Variants in PFKFB3 observed in about 807,000 individuals in gnomAD.
PFKFB3 encodes 6-phosphofructo-2-kinase/fructose-2,6-biphosphatase 3.
A neutral mutation model predicts 68.0 loss-of-function variants in PFKFB3; 33 were observed. The observed-to-expected ratio is 0.49, with a 90% CI of 0.37 to 0.65. PFKFB3 has a LOEUF of 0.65. Ranked by LOEUF, PFKFB3 falls within the 30% of genes least tolerant of loss-of-function variation. The probability of loss-of-function intolerance (pLI) is 0.00; values close to 1 mark genes in which losing one functional copy is unlikely to be tolerated. For synonymous variants in PFKFB3, 315 were observed against 288.2 expected, an observed-to-expected ratio of 1.09 and a Z score of -0.94; for missense variants, 586 against 712.2, an observed-to-expected ratio of 0.82 and a Z score of 2.02.
At chr10:6,197,620 C>T (rs1193225825) in intron 1 of PFKFB3, 1 of 151,750 alleles carries the variant, frequency 6.6e-6, no homozygotes, top group Admixed American at 6.5e-5. Context: ...CCATCCTCCA[C>T]ATCTTTTATT....
At chr10:6,224,336 C>A in intron 13 of PFKFB3, 123 bp downstream of exon 13, 1 of 842,902 alleles carries the variant, frequency 1.2e-6, no homozygotes, top group African/African-American at 1.7e-5. Context: ...GGCCATGGGC[C>A]TGCTGGCTGC....
chr10:6,311,178 G>A, the PFKFB3 span, among the ~76,000 whole-genome samples: 5 of 152,164 alleles, frequency 3.3e-5, no homozygotes, highest in Admixed American at 3.3e-4. Context: ...TTTTCATCCT[G>A]CCCTTGACAG....
chr10:6,228,343 A>G lies in PFKFB3; in HGVS notation c.1515+1978A>G. On this transcript the variant is annotated intron_variant, in intron 14 of 14. Coordinates refer to ENST00000379775, the MANE Select transcript of PFKFB3 (RefSeq NM_004566.4). This position sits in a 1 kb window ranked among gnomAD's most constrained non-coding sequence, Gnocchi z 4.5. ...TGTGATGTGAGGTCTTCCGTGGGGG[A>G]AGGAGGAGATGGGCGTAGGAGTAGG... 4.7e-6 allele frequency: 5 copies of G among 1,057,342 alleles called. No homozygotes were observed. Among genetic ancestry groups the G allele is most frequent in the Non-Finnish European group, 7.3e-6 (5 of 683,764 alleles). 65.5% of individuals were successfully genotyped at this position (1,057,342 alleles called of 1,614,324 possible). A position where few individuals can be genotyped will look rare whatever the true frequency, so the allele number is the denominator to read the frequency against.
the PFKFB3 span, among the ~76,000 whole-genome samples, chr10:6,286,698 G>A: frequency 6.6e-6 from 1 of 152,170 alleles, no homozygotes; most frequent in Non-Finnish European, 1.5e-5. Context: ...TTTAACTGGT[G>A]TATTTAGACC....
At chr10:6,251,389 T>C (rs1846376853) in intron 14 of PFKFB3, among the ~76,000 whole-genome samples, 2 of 152,364 alleles carry the variant, frequency 1.3e-5, no homozygotes, top group East Asian at 1.9e-4. Context: ...GAATTAATAG[T>C]TCCCCAATAG....
the PFKFB3 span, among the ~76,000 whole-genome samples, chr10:6,296,604 G>C: frequency 6.6e-6 from 1 of 152,200 alleles, no homozygotes; most frequent in African/African-American, 2.4e-5. Context: ...CTAGGAAAGA[G>C]GTGGGCAATT....
chr10:6,326,575 G>A, the PFKFB3 span: 186 of 455,548 alleles, frequency 4.1e-4, no homozygotes, highest in Non-Finnish European at 6.5e-4. Flanking sequence ...GAGCTCCACC[G>A]TGACTCTCCT....
chr10:6,166,502 T>C (rs652318), intron 1 of PFKFB3, among the ~76,000 whole-genome samples: 31,665 of 152,004 alleles, frequency 0.21, 3,695 homozygotes, highest in East Asian at 0.26. Context: ...AGTAATAAAG[T>C]GTTTGTGTAT....
At position 6,244,112 on chromosome 10, in the gene PFKFB3, C is replaced by G. The variant is rs144133402; in HGVS notation, c.1516-10066C>G. Among the ~76,000 whole-genome samples the G allele has an allele frequency of 2.5e-3, 380 of 152,278 alleles. 2 individuals are homozygous for G. Among genetic ancestry groups the G allele is most frequent in the African/African-American group, 8.7e-3 (362 of 41,560 alleles). ...TGGGCTCAAGCAATCCTTCCACAGC[C>G]TCTCCAGTGTTGGGATTACAGGTGT... On this transcript the variant is annotated intron_variant, in intron 14 of 14. Coordinates refer to the PFKFB3 transcript ENST00000640683.
chr10:6,215,974 G>A lies in PFKFB3; in HGVS notation c.300-151G>A. Reference sequence around the variant, plus strand: ...GGGGCCCCAGGTTGGAAGCCTCTGGGCCTGAGGGGTGCTGGCCAGCCTGCC... The same window carrying A: ...GGGGCCCCAGGTTGGAAGCCTCTGGACCTGAGGGGTGCTGGCCAGCCTGCC... On this transcript the variant is annotated intron_variant, in intron 3 of 14. Coordinates refer to ENST00000379775, the MANE Select transcript of PFKFB3 (RefSeq NM_004566.4). This position sits in a 1 kb window ranked among gnomAD's most constrained non-coding sequence, Gnocchi z 4.3. 1 of 773,096 alleles carries A rather than the reference G, an allele frequency of 1.3e-6. No homozygotes were observed. The highest frequency in any genetic ancestry group is 1.5e-5 in the South Asian group (1 of 65,008). 47.9% of individuals were successfully genotyped at this position (773,096 alleles called of 1,614,324 possible). A position where few individuals can be genotyped will look rare whatever the true frequency, so the allele number is the denominator to read the frequency against.
intron 14 of PFKFB3, among the ~76,000 whole-genome samples, chr10:6,252,741 TGTATC>T (rs1442718917): frequency 6.6e-5 from 10 of 152,200 alleles, no homozygotes; most frequent in African/African-American, 2.2e-4. Context: ...TACATATTGT[TGTATC>T]GTATAATTCC....
chr10:6,187,016 A>T (rs634507), intron 1 of PFKFB3, among the ~76,000 whole-genome samples: 1 of 151,372 alleles, frequency 6.6e-6, no homozygotes, highest in Non-Finnish European at 1.5e-5. Context: ...TGAAGCTGGC[A>T]GGGGAGACCA....
the PFKFB3 span, among the ~76,000 whole-genome samples, chr10:6,296,690 G>A: frequency 1.5e-3 from 226 of 152,294 alleles, 2 homozygotes; most frequent in Non-Finnish European, 7.1e-4. Flanking sequence ...GTAAACTGTC[G>A]TGGTGCTGGT....
At chr10:6,209,002 G>A (rs1843981629) in intron 1 of PFKFB3, among the ~76,000 whole-genome samples, 1 of 152,204 alleles carries the variant, frequency 6.6e-6, no homozygotes, top group Admixed American at 6.5e-5. Context: ...TTAGCCCAAA[G>A]GCACTACTCA....
At chr10:6,147,811 T>TCCTGATGGGGTGGTCCATACAGGGGAG (rs1209633667) in intron 1 of PFKFB3, among the ~76,000 whole-genome samples, 1 of 147,880 alleles carries the variant, frequency 6.8e-6, no homozygotes, top group Non-Finnish European at 1.5e-5. Context: ...ATACAGGGGA[T>TCCTGATGGGGTGGTCCATACAGGGGAG]CCTGATGGGG....
rs144540346 is a variant in PFKFB3 at position 6,203,414 on chromosome 10, G to C, written c.76+78G>C. On this transcript the variant is annotated intron_variant, in intron 1 of 14. Coordinates refer to ENST00000379775, the MANE Select transcript of PFKFB3 (RefSeq NM_004566.4). Reference sequence around the variant, plus strand: ...CCATTGTGTGGGGCGGCTTTGTGCCGACGCCCCTCTGCGGGGGGCGCGCCC... The same window carrying C: ...CCATTGTGTGGGGCGGCTTTGTGCCCACGCCCCTCTGCGGGGGGCGCGCCC... 2,457 of 1,114,520 alleles carry C rather than the reference G, an allele frequency of 2.2e-3. 36 individuals are homozygous for C. The African/African-American group carries it at 0.037, about 17-fold the overall frequency. 69.0% of individuals were successfully genotyped at this position (1,114,520 alleles called of 1,614,324 possible).
chr10:6,187,976 T>TATCTATCTATCTATCC (rs897688839), intron 1 of PFKFB3, among the ~76,000 whole-genome samples: 20 of 123,626 alleles, frequency 1.6e-4, no homozygotes, highest in African/African-American at 5.3e-4. Flanking sequence ...TCTATCTATC[T>TATCTATCTATCTATCC]ATCCATCCAT....
intron 1 of PFKFB3, among the ~76,000 whole-genome samples, chr10:6,163,075 C>T (rs1354453623): frequency 6.6e-6 from 1 of 152,176 alleles, no homozygotes; most frequent in African/African-American, 2.4e-5. Context: ...TGTGTTTTCC[C>T]CAGGAATGTT....
chr10:6,188,653 C>T (rs1842935659), intron 1 of PFKFB3, among the ~76,000 whole-genome samples: 1 of 151,718 alleles, frequency 6.6e-6, no homozygotes. Flanking sequence ...TAATTTCCCC[C>T]ACCGCCTGCC....
Sources: gnomAD v4.1 joint callset for allele counts (sites outside exome capture counted in the v4.1 genomes callset) on GRCh38, gnomAD v4.1.1 for gene constraint, Gnocchi (gnomAD v3.1) non-coding constraint, MANE v1.5 for transcripts, NCBI Gene and HGNC (gene_info 2026-07-23, HGNC 2026-07-21) for gene names.